MDN1: variants seen among roughly 807,000 people sequenced by gnomAD.
The protein encoded by MDN1 is midasin.
In MDN1, 266 loss-of-function variants were observed where a neutral mutation model predicts 669.2. That is an observed-to-expected ratio of 0.40 (90% confidence interval 0.36 to 0.44). The LOEUF (loss-of-function observed/expected upper bound fraction) is 0.44. Ranked by LOEUF, MDN1 falls within the 20% of genes least tolerant of loss-of-function variation. The pLI is 1.00. For missense variants in MDN1, 5,940 were observed against 6,754.0 expected (o/e 0.88, Z 4.22); for synonymous variants, 2,385 against 2,457.1 (o/e 0.97, Z 0.87).
chr6:89,808,344 T>A (rs920106446), intron 1 of MDN1, among the ~76,000 whole-genome samples: 1 of 152,136 alleles, frequency 6.6e-6, no homozygotes, highest in Non-Finnish European at 1.5e-5. Context: ...GTCAGCTTGA[T>A]CCTTTCAAGA....
At chr6:89,803,778 T>C (rs1477188759) in intron 1 of MDN1, among the ~76,000 whole-genome samples, 1 of 151,762 alleles carries the variant, frequency 6.6e-6, no homozygotes, top group African/African-American at 2.4e-5. Flanking sequence ...AGACGGGGTT[T>C]CACCATGTTA....
At chr6:89,701,510 G>A in intron 55 of MDN1, 48 bp downstream of exon 55, 1 of 1,605,120 alleles carries the variant, frequency 6.2e-7, no homozygotes, top group Non-Finnish European at 8.5e-7. Flanking sequence ...AAGGACTTCA[G>A]AAGTAGTAGT....
chr6:89,758,335 A>T lies in MDN1; in HGVS notation c.2622T>A (p.His874Gln). 6.2e-7 allele frequency: 1 copy of T among 1,609,740 alleles called. No individual in the cohort carries two copies. The highest frequency in any genetic ancestry group is 8.5e-7 in the Non-Finnish European group (1 of 1,177,632). Residue 874 changes from histidine to glutamine, a missense_variant, in exon 19 of 102, where the codon CAT becomes CAA. Physicochemically the swap from His to Gln is conservative, Grantham distance 24. This residue lies in a region of MDN1 where 1,203 missense variants were observed against 1,268.9 expected (regional missense o/e 0.95). Transcript: ENST00000369393. ...TACAGGCAAATAAACGGAAGTCAGG[A>T]TGCCGAACCAGTGGCTCTGTTAAGA... ...DRGDTEPLVR[H>Q]PDFRLFACMN...
chr6:89,793,915 G>A lies in MDN1; in HGVS notation c.702C>T (p.Ala234=), dbSNP rs1160103708. 2.5e-6 allele frequency: 4 copies of A among 1,613,978 alleles called. No individual in the cohort carries two copies. Among genetic ancestry groups the A allele is most frequent in the Admixed American group, 1.7e-5 (1 of 59,994 alleles). ...AGACTTCTGGATTGGCCAAAACCAA[G>A]GCCTTCTCCAAGTCCTGCAACTGGG... ...EEAQLQDLEK[A]LVLANPEVSL... The change falls in exon 5 of 102, where the codon GCC becomes GCT. Residue 234 remains alanine, a synonymous_variant. Transcript: ENST00000369393.
rs1818872026 is a variant in MDN1 at position 89,784,942 on chromosome 6, A to G, written c.1449+70T>C. 6 of 1,009,090 alleles carry G rather than the reference A, an allele frequency of 5.9e-6. No homozygotes were observed. The East Asian group carries it at 7.3e-5, about 12-fold the overall frequency. 62.5% of individuals were successfully genotyped at this position (1,009,090 alleles called of 1,614,324 possible). ...TTGATGAGGGTTCTGGTGGTTTATT[A>G]TACTATTTCCTATTTCACGCGGGAG... On this transcript the variant is annotated intron_variant, in intron 9 of 101. Transcript: ENST00000369393.
At chr6:89,775,898 AGGCTGGTCTT>A (rs1818332077) in intron 12 of MDN1, among the ~76,000 whole-genome samples, 2 of 152,078 alleles carry the variant, frequency 1.3e-5, no homozygotes, top group Non-Finnish European at 2.9e-5. Flanking sequence ...AGTGTTGGCC[AGGCTGGTCTT>A]AAACTCCCGA....
rs1443471790 is a variant in MDN1, at chr6:89,674,338, T to G, written c.13013A>C (p.Glu4338Ala). The change falls in exon 79 of 102, where the codon GAA becomes GCA. Residue 4338 changes from glutamate (E) to alanine (A), a missense_variant. Transcript: ENST00000369393. ...TCCACAAAGTTGTCCCTTGCTAAGT[T>G]CTGGTCCTTCCAGGCAGGGGCCAGG... The part of the protein sequence containing the change: ...QPPGPCLEGP[E>A]LSKGQLCGVV... 6 of 1,614,154 alleles carry G rather than the reference T, an allele frequency of 3.7e-6. No individual in the cohort carries two copies. The Admixed American group carries it at 1.0e-4, about 27-fold the overall frequency.
chr6:89,809,289 T>C (rs1372873560), intron 1 of MDN1, among the ~76,000 whole-genome samples: 1 of 151,030 alleles, frequency 6.6e-6, no homozygotes, highest in Non-Finnish European at 1.5e-5. Flanking sequence ...TAGCTTCATA[T>C]ATATTTAAAA....
At chr6:89,750,270 T>A in intron 24 of MDN1, 84 bp downstream of exon 24, 5 of 1,376,982 alleles carry the variant, frequency 3.6e-6, no homozygotes, top group Non-Finnish European at 5.0e-6. Flanking sequence ...TGTGCCTCAA[T>A]TGGAAAGGAT....
intron 83 of MDN1, 79 bp from the exon 84 acceptor site, chr6:89,668,230 A>T: frequency 6.6e-7 from 1 of 1,522,556 alleles, no homozygotes; most frequent in South Asian, 1.2e-5. Flanking sequence ...GCCACAGGAA[A>T]ACAATTTAAA....
chr6:89,744,122 A>ACC (rs367561008), intron 29 of MDN1, among the ~76,000 whole-genome samples: 1 of 122,532 alleles, frequency 8.2e-6, no homozygotes, highest in African/African-American at 3.0e-5. Context: ...AAAAAAAAAA[A>ACC]AAAAAAAAAC....
chr6:89,661,494 C>T lies in MDN1; in HGVS notation c.14650G>A (p.Asp4884Asn), dbSNP rs1487279743. 1.9e-6 allele frequency: 3 copies of T among 1,614,208 alleles called. No homozygotes were observed. The change falls in exon 88 of 102, where the codon GAC becomes AAC. Residue 4884 changes from aspartate (D) to asparagine (N), a missense_variant. Asp to Asn is a conservative substitution (Grantham distance 23). This residue lies in a region of MDN1 where 2,280 missense variants were observed against 2,576.3 expected (regional missense o/e 0.88). Coordinates refer to ENST00000369393, the MANE Select transcript of MDN1 (RefSeq NM_014611.3). Reference sequence around the variant, plus strand: ...TTGTCTTCACTGTCGAGGTTCAAGTCATCTGGAAGGTCCAAAGCCTCGGGT... The same window carrying T: ...TTGTCTTCACTGTCGAGGTTCAAGTTATCTGGAAGGTCCAAAGCCTCGGGT... The part of the protein sequence containing the change: ...PEPEALDLPD[D>N]LNLDSEDKNG...
In MDN1 at chr6:89,712,910, A is replaced by G. The variant is rs1236812295; in HGVS notation, c.7219-124T>C. 2.3e-5 allele frequency: 20 copies of G among 869,822 alleles called. No individual in the cohort carries two copies. The East Asian group carries it at 4.5e-4, about 20-fold the overall frequency. 53.9% of individuals were successfully genotyped at this position (869,822 alleles called of 1,614,324 possible). A position where few individuals can be genotyped will look rare whatever the true frequency, so the allele number is the denominator to read the frequency against. ...CAACTTTTAATACACTCTTCAATGA[A>G]AAACACAAGTCAAATTCTACTTTTC... On this transcript the variant is annotated intron_variant, in intron 47 of 101. Coordinates refer to ENST00000369393, the MANE Select transcript of MDN1 (RefSeq NM_014611.3).
At chr6:89,730,642 A>T in intron 35 of MDN1, 84 bp downstream of exon 35, 2 of 1,027,988 alleles carry the variant, frequency 1.9e-6, no homozygotes, top group South Asian at 1.6e-5. Context: ...CATGAGTATT[A>T]CACATTAAAA....
intron 27 of MDN1, among the ~76,000 whole-genome samples, chr6:89,746,621 AAGAAAG>A (rs1232840598): frequency 5.2e-5 from 2 of 38,500 alleles, no homozygotes; most frequent in East Asian, 2.0e-3. Context: ...AAAAGAAAGA[AAGAAAG>A]AAAGAAAGAA....
intron 58 of MDN1, among the ~76,000 whole-genome samples, 179 bp downstream of exon 58, chr6:89,699,422 C>A (rs1047570023): frequency 6.6e-6 from 1 of 151,854 alleles, no homozygotes; most frequent in African/African-American, 2.4e-5. Flanking sequence ...TGTAATATAC[C>A]CTCATAATTA....
In MDN1 at chr6:89,678,589, A is replaced by G; in HGVS notation, c.12412+10T>C. ...ACTACATTTCATTGGGTTTCAAGTG[A>G]GAACCTTACCAATTTTTGCAAGGTG... On this transcript the variant is annotated intron_variant, in intron 75 of 101. Transcript: ENST00000369393. 2 of 1,612,996 alleles carry G rather than the reference A, an allele frequency of 1.2e-6. No homozygotes were observed. Among genetic ancestry groups the G allele is most frequent in the Non-Finnish European group, 1.7e-6 (2 of 1,179,538 alleles).
intron 15 of MDN1, among the ~76,000 whole-genome samples, chr6:89,771,029 G>GCACCT (rs1818054839): frequency 6.6e-6 from 1 of 152,170 alleles, no homozygotes; most frequent in East Asian, 1.9e-4. Context: ...AGGTGCCTTA[G>GCACCT]AGAGACTAAG....
At chr6:89,683,753 G>T in intron 72 of MDN1, 78 bp downstream of exon 72, 1 of 1,042,272 alleles carries the variant, frequency 9.6e-7, no homozygotes, top group Non-Finnish European at 1.5e-6. Flanking sequence ...TTAGGTTATG[G>T]TAACTATGTC....
Sources: allele counts gnomAD v4.1 joint callset (sites outside exome capture counted in the v4.1 genomes callset), GRCh38; gene constraint gnomAD v4.1.1; regional missense constraint gnomAD v4.1.1; transcripts MANE v1.5; gene names NCBI Gene and HGNC (gene_info 2026-07-23, HGNC 2026-07-21).